Variants in MON2 observed in about 807,000 individuals in gnomAD.
MON2 encodes the protein MON2 regulator of endosome-to-Golgi trafficking, also known as protein MON2 homolog.
MON2 carries 84 observed loss-of-function variants against 208.6 expected under a neutral mutation model. That is an observed-to-expected ratio of 0.40 (90% CI 0.34 to 0.48). The LOEUF (loss-of-function observed/expected upper bound fraction) is 0.48, where lower values mean the gene tolerates loss of function less well. MON2 is among the 20% of genes least tolerant of loss of function. MON2 has a pLI of 0.59. For synonymous variants in MON2, 660 were observed against 694.0 expected, an observed-to-expected ratio of 0.95 and a Z score of 0.77; for missense variants, 1,611 against 2,015.4, an observed-to-expected ratio of 0.80 and a Z score of 3.84.
chr12:62,553,361 C>G lies in MON2; in HGVS notation c.3210+187C>G, dbSNP rs1010056497. ...TAAAGAGCAAATTAAATATTAACAG[C>G]CTTATCTCTGTTTCTGTCTTCATCT... On this transcript the variant is annotated intron_variant, in intron 24 of 34. Transcript: ENST00000393630. 2.3e-5 allele frequency: 12 copies of G among 519,326 alleles called. No individual in the cohort carries two copies. The East Asian group carries it at 3.4e-4, about 15-fold the overall frequency. The allele number at this position is 519,326 out of a possible 1,614,324, so 32.2% of individuals were successfully genotyped here. A position where few individuals can be genotyped will look rare whatever the true frequency, so the allele number is the denominator to read the frequency against.
At position 62,562,773 on chromosome 12, in the gene MON2, C is replaced by G. The variant is rs1278317937; in HGVS notation, c.4032+1660C>G. Among the ~76,000 whole-genome samples the G allele has an allele frequency of 2.0e-5, 3 of 152,070 alleles. No homozygotes were observed. In the East Asian group the frequency reaches 5.8e-4, roughly 29 times the overall value. On this transcript the variant is annotated intron_variant, in intron 26 of 34. Transcript: ENST00000393630. Reference sequence around the variant, plus strand: ...TAAGAGATAAACTGATTTCTGATATCATGTTTTCTTTCTAAAGGGGAGCAT... The same window carrying G: ...TAAGAGATAAACTGATTTCTGATATGATGTTTTCTTTCTAAAGGGGAGCAT...
intron 29 of MON2, among the ~76,000 whole-genome samples, chr12:62,570,614 A>T (rs1336496596): frequency 6.6e-6 from 1 of 151,144 alleles, no homozygotes; most frequent in Admixed American, 6.6e-5. Flanking sequence ...GGTCTAACCT[A>T]TATATGTGGC....
chr12:62,472,178 C>T (rs10877854), intron 1 of MON2, among the ~76,000 whole-genome samples: 102,334 of 151,952 alleles, frequency 0.67, 34,716 homozygotes, highest in African/African-American at 0.77. Context: ...TTTGGATTGA[C>T]TGGATGATGA....
intron 2 of MON2, among the ~76,000 whole-genome samples, chr12:62,491,856 G>T (rs1484442221): frequency 5.9e-5 from 9 of 152,188 alleles, no homozygotes; most frequent in African/African-American, 2.2e-4. Flanking sequence ...AGAGATAGGG[G>T]TTGCCTCACA....
intron 19 of MON2, among the ~76,000 whole-genome samples, chr12:62,540,431 G>A (rs1037525060): frequency 3.9e-5 from 6 of 152,176 alleles, no homozygotes; most frequent in African/African-American, 1.4e-4. Context: ...ATGAACTAGT[G>A]TGATTGGAGA....
In MON2 at chr12:62,495,128, A is replaced by T. The variant is rs2070397061; in HGVS notation, c.416A>T (p.His139Leu). Reference protein sequence around the residue: ...LVLLTTNTVVHDEALSKAIVL... With the variant: ...LVLLTTNTVVLDEALSKAIVL... ...CTTTTAACAACCAATACAGTAGTTC[A>T]TGATGAGGCACTTTCTAAGGTAGGA... is the stretch of plus-strand genomic sequence containing the variant. The change falls in exon 4 of 35, where the codon CAT (histidine) becomes CTT (leucine). Residue 139 changes from histidine (H) to leucine (L), a missense_variant. Transcript: ENST00000393630. The T allele has an allele frequency of 6.2e-7, 1 of 1,607,022 alleles. No homozygotes were observed. Among genetic ancestry groups the T allele is most frequent in the East Asian group, 2.2e-5 (1 of 44,676 alleles).
chr12:62,564,082 C>T (rs971936802), intron 26 of MON2, among the ~76,000 whole-genome samples: 4 of 151,982 alleles, frequency 2.6e-5, no homozygotes, highest in Non-Finnish European at 5.9e-5. Context: ...CTTTTTACTA[C>T]TTTCTTACAT....
At chr12:62,504,626 T>C (rs2071013015) in intron 7 of MON2, among the ~76,000 whole-genome samples, 1 of 152,230 alleles carries the variant, frequency 6.6e-6, no homozygotes, top group Non-Finnish European at 1.5e-5. Flanking sequence ...GAATTCTCTG[T>C]GTAAGATCCT....
rs899026467 is a variant in MON2, at chr12:62,566,866, C to G, written c.4323+416C>G. On this transcript the variant is annotated intron_variant, in intron 29 of 34. Coordinates refer to ENST00000393630, the MANE Select transcript of MON2 (RefSeq NM_015026.3). ...AAACCTGCATGTTGTGCACATGTAC[C>G]CTAAAACTTAAAGTATAATTAAAAA... Among the ~76,000 whole-genome samples, 3 of 152,064 alleles carry G rather than the reference C, an allele frequency of 2.0e-5. No homozygotes were observed. The East Asian group carries it at 5.8e-4, about 29-fold the overall frequency.
chr12:62,518,961 G>A (rs1434662097), intron 8 of MON2, among the ~76,000 whole-genome samples: 1 of 152,112 alleles, frequency 6.6e-6, no homozygotes, highest in African/African-American at 2.4e-5. Context: ...ATATATGGTT[G>A]ATGTGTGATG....
intron 8 of MON2, 102 bp downstream of exon 8, chr12:62,508,582 A>C (rs2071225425): frequency 4.7e-6 from 5 of 1,068,888 alleles, no homozygotes; most frequent in Non-Finnish European, 7.1e-6. Context: ...AATTCAGTTC[A>C]ACAGAATTTT....
At position 62,552,981 on chromosome 12, in the gene MON2, T is replaced by C. The variant is rs1312969451; in HGVS notation, c.3017T>C (p.Val1006Ala). 6.2e-7 allele frequency: 1 copy of C among 1,613,702 alleles called. No homozygotes were observed. Among genetic ancestry groups the C allele is most frequent in the African/African-American group, 1.3e-5 (1 of 74,812 alleles). ...CAAAAGCAGGCAGAAGAGAAAGGAG[T>C]TGTTTTAAATCGGCCATTCCACCCT... Reference protein sequence around the residue: ...AQQKQAEEKGVVLNRPFHPAP... With the variant: ...AQQKQAEEKGAVLNRPFHPAP... Residue 1006 changes from valine to alanine, a missense_variant, in exon 24 of 35, where the codon GTT becomes GCT. Transcript: ENST00000393630.
chr12:62,525,635 C>A (rs2072291231), intron 10 of MON2, among the ~76,000 whole-genome samples: 3 of 152,110 alleles, frequency 2.0e-5, no homozygotes, highest in African/African-American at 7.2e-5. Context: ...TTCTCTTCCA[C>A]TTTGTACTGA....
At chr12:62,525,276 A>G (rs2072272492) in intron 10 of MON2, 56 bp downstream of exon 10, 3 of 1,576,844 alleles carry the variant, frequency 1.9e-6, no homozygotes, top group Admixed American at 1.7e-5. Context: ...TACAGTATTG[A>G]CTGTTCTGAG....
intron 8 of MON2, among the ~76,000 whole-genome samples, chr12:62,513,268 C>G (rs2071505109): frequency 6.6e-6 from 1 of 152,090 alleles, no homozygotes; most frequent in African/African-American, 2.4e-5. Context: ...CTCTGTATCC[C>G]AGGCTGGAGT....
intron 32 of MON2, among the ~76,000 whole-genome samples, chr12:62,581,704 G>A (rs2075012797): frequency 6.6e-6 from 1 of 152,142 alleles, no homozygotes; most frequent in Non-Finnish European, 1.5e-5. Flanking sequence ...GATGGCATTT[G>A]TCTGTTATCC....
chr12:62,568,530 G>T (rs1455666383), intron 29 of MON2, among the ~76,000 whole-genome samples: 1 of 152,004 alleles, frequency 6.6e-6, no homozygotes, highest in Non-Finnish European at 1.5e-5. Flanking sequence ...ATAGAGACTG[G>T]ATCTTGCTTT....
At chr12:62,467,498 TTTGA>T (rs1344609083) in intron 1 of MON2, among the ~76,000 whole-genome samples, 180 bp downstream of exon 1, 4 of 152,220 alleles carry the variant, frequency 2.6e-5, no homozygotes, top group African/African-American at 9.6e-5. Context: ...GCTGAGGCAC[TTTGA>T]TTTTCTCCCC....
chr12:62,485,892 C>T (rs1419178786), intron 2 of MON2, among the ~76,000 whole-genome samples: 2 of 151,942 alleles, frequency 1.3e-5, no homozygotes, highest in African/African-American at 4.8e-5. Flanking sequence ...TTAGTAGAGA[C>T]AGGGTTTCAT....
Sources: gnomAD v4.1 joint callset for allele counts (sites outside exome capture counted in the v4.1 genomes callset) on GRCh38, gnomAD v4.1.1 for gene constraint, MANE v1.5 for transcripts, NCBI Gene and HGNC (gene_info 2026-07-23, HGNC 2026-07-21) for gene names.